Variants in ADGRL3 observed in about 807,000 individuals in gnomAD.
ADGRL3 encodes adhesion G protein-coupled receptor L3, also known as calcium-independent alpha-latrotoxin receptor 3.
ADGRL3 carries 62 observed loss-of-function variants against 153.5 expected under a neutral mutation model. The observed-to-expected ratio is 0.40, with a 90% CI of 0.33 to 0.50. ADGRL3 has a LOEUF of 0.50. Ranked by LOEUF, ADGRL3 falls within the 20% of genes least tolerant of loss-of-function variation. ADGRL3 has a pLI of 0.47. For synonymous variants in ADGRL3, 710 were observed against 672.5 expected, an observed-to-expected ratio of 1.06 and a Z score of -0.86; for missense variants, 1,641 against 1,859.4, an observed-to-expected ratio of 0.88 and a Z score of 2.16.
chr4:61,550,578 T>A (rs888233657), intron 4 of ADGRL3, among the ~76,000 whole-genome samples: 4 of 151,936 alleles, frequency 2.6e-5, no homozygotes, highest in African/African-American at 9.7e-5. Context: ...TAAGATACTT[T>A]GGTGTGGGGA....
chr4:61,367,161 CATT>C (rs1260677169), intron 1 of ADGRL3, among the ~76,000 whole-genome samples: 3 of 151,576 alleles, frequency 2.0e-5, no homozygotes, highest in Non-Finnish European at 4.4e-5. Context: ...TTTTGCCAAA[CATT>C]AGAAGAAAAT....
intron 15 of ADGRL3, among the ~76,000 whole-genome samples, chr4:61,936,330 C>T (rs2098838149): frequency 6.6e-6 from 1 of 152,122 alleles, no homozygotes; most frequent in South Asian, 2.1e-4. Context: ...TACAGAGGAT[C>T]TGACATCTTT....
intron 1 of ADGRL3, among the ~76,000 whole-genome samples, chr4:61,216,544 T>A (rs1208792358): frequency 6.6e-6 from 1 of 152,178 alleles, no homozygotes; most frequent in Non-Finnish European, 1.5e-5. Flanking sequence ...ATGGCTGAAT[T>A]TATTTATGTA....
intron 4 of ADGRL3, among the ~76,000 whole-genome samples, chr4:61,567,174 T>C (rs1254220407): frequency 6.6e-6 from 1 of 152,166 alleles, no homozygotes; most frequent in South Asian, 2.1e-4. Flanking sequence ...GAACTAAGAC[T>C]CAGAAAAGTT....
At chr4:61,312,700 A>G (rs1051549365) in intron 1 of ADGRL3, among the ~76,000 whole-genome samples, 1 of 152,208 alleles carries the variant, frequency 6.6e-6, no homozygotes, top group African/African-American at 2.4e-5. Flanking sequence ...TACCTTTTAG[A>G]ATGACTAAAA....
chr4:61,713,067 G>C (rs1487139777), intron 6 of ADGRL3, among the ~76,000 whole-genome samples: 1 of 152,080 alleles, frequency 6.6e-6, no homozygotes, highest in African/African-American at 2.4e-5. Flanking sequence ...GCATAAATAT[G>C]TAATGATAAA....
intron 2 of ADGRL3, among the ~76,000 whole-genome samples, chr4:61,429,332 A>T (rs754451766): frequency 6.6e-6 from 1 of 152,174 alleles, no homozygotes; most frequent in African/African-American, 2.4e-5. Context: ...TTGCCTACCT[A>T]GAAAAGAAAG....
chr4:61,972,742 C>T (rs1395303800), intron 17 of ADGRL3, among the ~76,000 whole-genome samples: 2 of 152,026 alleles, frequency 1.3e-5, no homozygotes, highest in Admixed American at 6.6e-5. Context: ...TATAAATTAC[C>T]TTGGGCAGTA....
chr4:61,907,181 T>C (rs1008518795), intron 11 of ADGRL3, among the ~76,000 whole-genome samples: 1 of 152,098 alleles, frequency 6.6e-6, no homozygotes, highest in African/African-American at 2.4e-5. Flanking sequence ...CCATAGACAG[T>C]ATAGGATGTT....
At chr4:62,055,135 A>G (rs74547171) in intron 25 of ADGRL3, among the ~76,000 whole-genome samples, 4,009 of 151,898 alleles carry the variant, frequency 0.026, 186 homozygotes, top group African/African-American at 0.093. Context: ...AAAAGCTCAT[A>G]TGTCTGGACA....
At chr4:61,412,681 A>G (rs570911664) in intron 2 of ADGRL3, among the ~76,000 whole-genome samples, 2 of 151,482 alleles carry the variant, frequency 1.3e-5, no homozygotes, top group Non-Finnish European at 2.9e-5. Context: ...AGCTAACTTG[A>G]TTCTTCTCTC....
At chr4:61,752,411 GA>G (rs1049073544) in intron 8 of ADGRL3, among the ~76,000 whole-genome samples, 2 of 152,048 alleles carry the variant, frequency 1.3e-5, no homozygotes, top group Non-Finnish European at 2.9e-5. Flanking sequence ...GAAAACCATG[GA>G]AAAATGTGAT....
At chr4:61,716,883 T>C (rs2096126671) in intron 6 of ADGRL3, among the ~76,000 whole-genome samples, 2 of 152,156 alleles carry the variant, frequency 1.3e-5, no homozygotes, top group East Asian at 1.9e-4. Context: ...CCTTTTATTA[T>C]GTAGGCTTTT....
At chr4:61,487,896 A>G (rs2098214931) in intron 2 of ADGRL3, among the ~76,000 whole-genome samples, 1 of 152,002 alleles carries the variant, frequency 6.6e-6, no homozygotes, top group Non-Finnish European at 1.5e-5. Context: ...ATTGATTTTA[A>G]CATAATTATT....
intron 1 of ADGRL3, among the ~76,000 whole-genome samples, chr4:61,344,733 G>C (rs1560499097): frequency 6.6e-6 from 1 of 151,954 alleles, no homozygotes; most frequent in Non-Finnish European, 1.5e-5. Context: ...TCTATAGATT[G>C]CATACATCTC....
At chr4:61,606,083 G>A (rs1345893141) in intron 5 of ADGRL3, among the ~76,000 whole-genome samples, 1 of 152,116 alleles carries the variant, frequency 6.6e-6, no homozygotes, top group South Asian at 2.1e-4. Context: ...GCTAGAAAAT[G>A]TCATAGAGAG....
intron 1 of ADGRL3, among the ~76,000 whole-genome samples, chr4:61,216,360 A>G (rs768481275): frequency 6.6e-6 from 1 of 151,974 alleles, no homozygotes; most frequent in Non-Finnish European, 1.5e-5. Context: ...ATAGTTTTTT[A>G]TCTCAGCTTT....
At chr4:61,725,248 A>G (rs891276995) in intron 6 of ADGRL3, among the ~76,000 whole-genome samples, 3 of 152,182 alleles carry the variant, frequency 2.0e-5, no homozygotes, top group Non-Finnish European at 4.4e-5. Flanking sequence ...CTTATTAGCC[A>G]TAGAGCCATG....
At chr4:61,308,794 T>C (rs2094896151) in intron 1 of ADGRL3, among the ~76,000 whole-genome samples, 1 of 152,284 alleles carries the variant, frequency 6.6e-6, no homozygotes, top group African/African-American at 2.4e-5. Context: ...TTTGAAACCT[T>C]CTCATCATTA....
Sources: allele counts gnomAD v4.1 joint callset (sites outside exome capture counted in the v4.1 genomes callset), GRCh38; gene constraint gnomAD v4.1.1; transcripts MANE v1.5; gene names NCBI Gene and HGNC (gene_info 2026-07-23, HGNC 2026-07-21).